Variants in HEG1 observed in about 807,000 individuals in gnomAD.
The protein encoded by HEG1 is protein HEG homolog 1.
Under a neutral mutation model 125.6 loss-of-function variants are expected in HEG1, and 56 were observed. The observed-to-expected ratio is 0.45, with a 90% CI of 0.36 to 0.56. HEG1 has a LOEUF of 0.56. Ranked by LOEUF, HEG1 falls within the 20% of genes least tolerant of loss-of-function variation. HEG1 has a pLI of 0.00. For synonymous variants in HEG1, 644 were observed against 668.5 expected (o/e 0.96, Z 0.57); for missense variants, 1,523 against 1,670.0 (o/e 0.91, Z 1.53).
chr3:124,990,420 C>A (rs1936813460), intron 14 of HEG1, among the ~76,000 whole-genome samples: 2 of 151,778 alleles, frequency 1.3e-5, no homozygotes, highest in Admixed American at 1.3e-4. Context: ...CTCACTGCAA[C>A]CTCCGCCTCC....
intron 14 of HEG1, among the ~76,000 whole-genome samples, chr3:124,986,522 TG>T (rs1162459855): frequency 6.6e-6 from 1 of 152,148 alleles, no homozygotes; most frequent in African/African-American, 2.4e-5. Context: ...AAGAGGCAGG[TG>T]GCAAGTGCTA....
chr3:125,005,513 C>G (rs1643963408), intron 8 of HEG1, 145 bp from the exon 9 acceptor site: 2 of 558,170 alleles, frequency 3.6e-6, no homozygotes, highest in African/African-American at 1.9e-5. Context: ...TGAAGACTCC[C>G]TCTCCCTCTT....
At chr3:124,998,015 T>G (rs1936948203) in intron 11 of HEG1, among the ~76,000 whole-genome samples, 192 bp from the exon 12 acceptor site, 1 of 152,186 alleles carries the variant, frequency 6.6e-6, no homozygotes. Flanking sequence ...CTGCCACTCC[T>G]TCTCTGATCA....
intron 4 of HEG1, among the ~76,000 whole-genome samples, chr3:125,019,897 G>C: frequency 6.6e-6 from 1 of 152,276 alleles, no homozygotes; most frequent in Admixed American, 6.5e-5. Flanking sequence ...AAAAGTGTTC[G>C]AGAGAGTGAG....
At chr3:125,005,186 G>C in intron 9 of HEG1, 79 bp downstream of exon 9, 2 of 820,882 alleles carry the variant, frequency 2.4e-6, no homozygotes, top group South Asian at 3.2e-5. Context: ...ACAGCTGACC[G>C]CTAGGCAGTC....
chr3:125,005,399 C>T, intron 8 of HEG1, 31 bp from the exon 9 acceptor site: 1 of 1,256,902 alleles, frequency 8.0e-7, no homozygotes, highest in Non-Finnish European at 1.1e-6. Flanking sequence ...TGTTAGATTA[C>T]ACAACAGAAG....
Position 124,969,132 on chromosome 3 carries a change from T to A in HEG1, c.*1520A>T, listed in dbSNP as rs1437163560. On this transcript the variant is annotated 3_prime_UTR_variant, in exon 17 of 17. Transcript: ENST00000311127. Reference sequence around the variant, plus strand: ...AGTGGCTGCACCATTTCCAGAAATGTGAAGCGGGACTCCCCGCTTCAGGGT... The same window carrying A: ...AGTGGCTGCACCATTTCCAGAAATGAGAAGCGGGACTCCCCGCTTCAGGGT... 3 of 152,158 alleles carry A rather than the reference T, an allele frequency of 2.0e-5. No homozygotes were observed. Among genetic ancestry groups the A allele is most frequent in the Non-Finnish European group, 4.4e-5 (3 of 68,008 alleles). The allele number at this position is 152,158 out of a possible 1,614,324, so 9.4% of individuals were successfully genotyped here.
chr3:125,026,490 C>T (rs1314319178), intron 3 of HEG1, among the ~76,000 whole-genome samples: 1 of 152,128 alleles, frequency 6.6e-6, no homozygotes, highest in African/African-American at 2.4e-5. Flanking sequence ...GAGGAGAGCA[C>T]TCCACAGCTG....
intron 16 of HEG1, 121 bp downstream of exon 16, chr3:124,973,610 T>C (rs1936483448): frequency 1.4e-6 from 1 of 690,726 alleles, no homozygotes; most frequent in South Asian, 2.3e-5. Context: ...AAATCAGAGG[T>C]TCATGCCACT....
rs368114193 is a variant in HEG1, at chr3:125,009,683, C to T, written c.3193+22G>A. ...ATATATTGTGGTACGGAATAAAGTC[C>T]GAAATAGACTAAGTCTCTTACCCAA... On this transcript the variant is annotated intron_variant, in intron 8 of 16. Coordinates refer to ENST00000311127, the MANE Select transcript of HEG1 (RefSeq NM_020733.2). 8.6e-5 allele frequency: 137 copies of T among 1,599,694 alleles called. 1 individual carries two copies. The highest frequency in any genetic ancestry group is 1.7e-4 in the Middle Eastern group (1 of 6,036).
intron 7 of HEG1, among the ~76,000 whole-genome samples, 175 bp downstream of exon 7, chr3:125,010,264 C>G (rs1189285329): frequency 1.3e-5 from 2 of 152,230 alleles, no homozygotes; most frequent in Non-Finnish European, 2.9e-5. Flanking sequence ...CAGTGCCACA[C>G]TACAGTTCCT....
chr3:125,038,063 T>C (rs191085766), intron 1 of HEG1, among the ~76,000 whole-genome samples: 2 of 152,278 alleles, frequency 1.3e-5, no homozygotes, highest in African/African-American at 4.8e-5. Context: ...TTTTAAGAAA[T>C]AGATTTGGGT....
intron 8 of HEG1, among the ~76,000 whole-genome samples, chr3:125,006,501 G>A (rs755776390): frequency 9.9e-5 from 15 of 152,162 alleles, no homozygotes; most frequent in Admixed American, 8.5e-4. Context: ...CCTGCATGCC[G>A]AATTGAGAAA....
rs1197200968 is a variant in HEG1 at position 125,013,805 on chromosome 3, T to C, written c.1774A>G (p.Asn592Asp). The C allele has an allele frequency of 7.4e-6, 12 of 1,613,644 alleles. No homozygotes were observed. The East Asian group carries it at 1.8e-4, about 24-fold the overall frequency. The change falls in exon 6 of 17, where the codon AAC becomes GAC. Residue 592 changes from asparagine (N) to aspartate (D), a missense_variant. Physicochemically the swap from Asn to Asp is conservative, Grantham distance 23 (BLOSUM62 1). Coordinates refer to ENST00000311127, the MANE Select transcript of HEG1 (RefSeq NM_020733.2). ...ESSTSYIKISNSSHSEYSSFF... is the reference protein window; with the variant it reads ...ESSTSYIKISDSSHSEYSSFF... ...GAGGAATACTCTGAATGTGAAGAGT[T>C]TGAGATTTTAATATAAGAAGTTGAG...
At chr3:125,054,512 A>C (rs564619790) in intron 1 of HEG1, among the ~76,000 whole-genome samples, 11 of 152,358 alleles carry the variant, frequency 7.2e-5, no homozygotes, top group African/African-American at 2.6e-4. Context: ...GCATGAGATG[A>C]GAAACTTAAA....
intron 6 of HEG1, 90 bp from the exon 7 acceptor site, chr3:125,010,645 T>C: frequency 1.2e-6 from 1 of 825,670 alleles, no homozygotes; most frequent in Non-Finnish European, 1.9e-6. Context: ...CAGCTAATAT[T>C]TGATTCTTGC....
chr3:124,981,762 A>T (rs943578600), intron 14 of HEG1, among the ~76,000 whole-genome samples: 3 of 152,198 alleles, frequency 2.0e-5, no homozygotes, highest in African/African-American at 7.2e-5. Flanking sequence ...TGTTTGCACA[A>T]GTTAGCACTG....
At chr3:125,008,304 A>G (rs1937101698) in intron 8 of HEG1, among the ~76,000 whole-genome samples, 1 of 152,200 alleles carries the variant, frequency 6.6e-6, no homozygotes, top group Non-Finnish European at 1.5e-5. Flanking sequence ...ATTTTAAACA[A>G]TTTTCAAAAT....
At chr3:124,978,802 AAAATAAATAAATAAATAAAT>A (rs10673332) in intron 14 of HEG1, among the ~76,000 whole-genome samples, 1 of 140,044 alleles carries the variant, frequency 7.1e-6, no homozygotes, top group South Asian at 2.3e-4. Context: ...CTCTGTCTCA[AAAATAAATAAATAAATAAAT>A]AAATAAATAA....
Sources: allele counts gnomAD v4.1 joint callset (sites outside exome capture counted in the v4.1 genomes callset), GRCh38; gene constraint gnomAD v4.1.1; transcripts MANE v1.5; gene names NCBI Gene and HGNC (gene_info 2026-07-23, HGNC 2026-07-21).